The following CCDC92B variants were observed in gnomAD, a reference collection of about 807,000 sequenced individuals.
CCDC92B encodes coiled-coil domain containing 92B.
A neutral mutation model predicts 5.6 loss-of-function variants in CCDC92B; 2 were observed. The ratio of observed to expected loss-of-function variants is 0.36; its 90% CI spans 0.15 to 1.12. The LOEUF is 1.12. Ranked by LOEUF, CCDC92B falls within the 50% of genes most tolerant of loss-of-function variation. CCDC92B has a pLI of 0.40. For missense variants in CCDC92B, 271 were observed against 262.2 expected (o/e 1.03, Z -0.23); for synonymous variants, 115 against 122.3 (o/e 0.94, Z 0.39).
At chr17:2,727,083 T>C (rs960015847) in intron 3 of CCDC92B, among the ~76,000 whole-genome samples, 1 of 152,046 alleles carries the variant, frequency 6.6e-6, no homozygotes, top group Non-Finnish European at 1.5e-5. Flanking sequence ...GGTTTTGCCA[T>C]GTTGCCTGGG....
intron 1 of CCDC92B, among the ~76,000 whole-genome samples, chr17:2,736,032 G>T (rs1320717200): frequency 6.6e-6 from 1 of 152,200 alleles, no homozygotes; most frequent in Admixed American, 6.6e-5. Flanking sequence ...CTTCACCACA[G>T]TCCAGGGCTC....
chr17:2,748,324 C>G (rs1053196522), intron 1 of CCDC92B: 10 of 1,247,738 alleles, frequency 8.0e-6, no homozygotes, highest in African/African-American at 1.5e-5. Flanking sequence ...CATCCCTGAT[C>G]CCCCACCAAG....
At position 2,724,412 on chromosome 17, in the gene CCDC92B, T is replaced by C; in HGVS notation, c.767A>G (p.Ter256TrpextTer7). 1 of 984,512 alleles carries C rather than the reference T, an allele frequency of 1.0e-6. No homozygotes were observed. Among genetic ancestry groups the C allele is most frequent in the Non-Finnish European group, 1.2e-6 (1 of 829,644 alleles). The allele number at this position is 984,512 out of a possible 1,614,324, so 61.0% of individuals were successfully genotyped here. Residue 256 changes from the stop codon to tryptophan, a stop_lost, in exon 4 of 4, where the codon TAG (stop) becomes TGG (tryptophan). Transcript: ENST00000614400. This position sits in a 1 kb window ranked among gnomAD's most constrained non-coding sequence, Gnocchi z 5.0. ...SQPSAPGDPE* is the reference protein window; with the variant it reads ...SQPSAPGDPEW ...GCGTCACCCCGGCCAGCCTGGCGCC[T>C]ACTCCGGGTCCCCGGGCGCGCTGGG...
At chr17:2,733,405 A>G (rs1370544202) in intron 2 of CCDC92B, among the ~76,000 whole-genome samples, 2 of 151,628 alleles carry the variant, frequency 1.3e-5, no homozygotes, top group Non-Finnish European at 2.9e-5. Context: ...GATTACAGGC[A>G]TGTGCCACCA....
At chr17:2,727,887 C>G (rs867892092) in intron 3 of CCDC92B, among the ~76,000 whole-genome samples, 2 of 151,574 alleles carry the variant, frequency 1.3e-5, no homozygotes, top group African/African-American at 2.4e-5. Flanking sequence ...ACACACTCAT[C>G]CCAGTGACTC....
chr17:2,748,189 A>T, intron 1 of CCDC92B: 1 of 554,710 alleles, frequency 1.8e-6, no homozygotes, highest in Non-Finnish European at 3.5e-6. Context: ...TGCTCTGATG[A>T]CAAACTCTTC....
chr17:2,724,114 C>G lies in CCDC92B; in HGVS notation c.*297G>C, dbSNP rs936290735. The G allele has an allele frequency of 3.6e-5, 35 of 985,168 alleles. No individual in the cohort carries two copies. Among genetic ancestry groups the G allele is most frequent in the Middle Eastern group, 5.2e-4 (1 of 1,936 alleles). The allele number at this position is 985,168 out of a possible 1,614,324, so 61.0% of individuals were successfully genotyped here. On this transcript the variant is annotated 3_prime_UTR_variant, in exon 4 of 4. Transcript: ENST00000614400. This position sits in a 1 kb window ranked among gnomAD's most constrained non-coding sequence, Gnocchi z 5.0. ...AGGGCGTGGCCCCCGCCCCTCCTGT[C>G]TCACAGGCAGGTGGGACCAGGCCAG...
chr17:2,725,395 C>CA (rs1389384596), intron 3 of CCDC92B, among the ~76,000 whole-genome samples: 9 of 151,626 alleles, frequency 5.9e-5, no homozygotes, highest in East Asian at 3.9e-4. Context: ...AAAGCAAAAA[C>CA]AAAAAAACAA....
At chr17:2,734,224 CAT>C (rs759706364) in intron 2 of CCDC92B, among the ~76,000 whole-genome samples, 2 of 152,156 alleles carry the variant, frequency 1.3e-5, no homozygotes, top group African/African-American at 2.4e-5. Context: ...GGCATGTCCA[CAT>C]GTTACGCAGC....
intron 3 of CCDC92B, among the ~76,000 whole-genome samples, chr17:2,725,836 G>A (rs2070722169): frequency 6.6e-6 from 1 of 151,822 alleles, no homozygotes; most frequent in African/African-American, 2.4e-5. Flanking sequence ...AGGATAAACA[G>A]GAGTTAAGTA....
chr17:2,726,239 G>A (rs1328026740), intron 3 of CCDC92B, among the ~76,000 whole-genome samples: 5 of 149,916 alleles, frequency 3.3e-5, no homozygotes, highest in Admixed American at 1.3e-4. Flanking sequence ...GTGCAGTGGC[G>A]CAATCTTGGC....
At chr17:2,725,986 GTCT>G (rs752982787) in intron 3 of CCDC92B, among the ~76,000 whole-genome samples, 2 of 131,560 alleles carry the variant, frequency 1.5e-5, no homozygotes, top group Non-Finnish European at 1.6e-5. Flanking sequence ...ATTTTATCAC[GTCT>G]TTTTTTTTTT....
At chr17:2,748,629 G>C (rs1255320515) in intron 1 of CCDC92B, 2 of 981,324 alleles carry the variant, frequency 2.0e-6, no homozygotes, top group Non-Finnish European at 2.4e-6. Flanking sequence ...GCAAGGAACA[G>C]GCCCACAATG....
intron 1 of CCDC92B, among the ~76,000 whole-genome samples, chr17:2,737,282 C>G (rs1048245559): frequency 1.3e-5 from 2 of 152,050 alleles, no homozygotes; most frequent in Non-Finnish European, 2.9e-5. Context: ...ATGAGTAATT[C>G]TGTTCACCAA....
chr17:2,722,926 A>T lies in CCDC92B; in HGVS notation c.*1485T>A, dbSNP rs895181462. 1 of 152,494 alleles carries T rather than the reference A, an allele frequency of 6.6e-6. No individual in the cohort carries two copies. The highest frequency in any genetic ancestry group is 2.4e-5 in the African/African-American group (1 of 41,452). The allele number at this position is 152,494 out of a possible 1,614,324, so 9.4% of individuals were successfully genotyped here. Reference sequence around the variant, plus strand: ...GGGGGTGGGGGAATAAGCTGCGCTGAAACTGTCCTTCCTGCCTTTGGTGGT... The same window carrying T: ...GGGGGTGGGGGAATAAGCTGCGCTGTAACTGTCCTTCCTGCCTTTGGTGGT... On this transcript the variant is annotated 3_prime_UTR_variant, in exon 4 of 4. Coordinates refer to ENST00000614400, the MANE Select transcript of CCDC92B (RefSeq NM_001355573.2).
At position 2,721,586 on chromosome 17, in the gene CCDC92B, C is replaced by A. The variant is rs1393350575; in HGVS notation, c.*2825G>T. ...CGGGCCATGCACTCCAGCTCCCAGTCTCGTTCTGCTGCACAGAGGGTTCTG... is the reference window on the plus strand; with the variant it reads ...CGGGCCATGCACTCCAGCTCCCAGTATCGTTCTGCTGCACAGAGGGTTCTG... On this transcript the variant is annotated 3_prime_UTR_variant, in exon 4 of 4. Coordinates refer to ENST00000614400, the MANE Select transcript of CCDC92B (RefSeq NM_001355573.2). 1 of 152,272 alleles carries A rather than the reference C, an allele frequency of 6.6e-6. No homozygotes were observed. The highest frequency in any genetic ancestry group is 1.5e-5 in the Non-Finnish European group (1 of 68,090). 9.4% of individuals were successfully genotyped at this position (152,272 alleles called of 1,614,324 possible).
At chr17:2,725,139 G>T in intron 3 of CCDC92B, 139 bp from the exon 4 acceptor site, 1 of 981,170 alleles carries the variant, frequency 1.0e-6, no homozygotes, top group Non-Finnish European at 1.2e-6. Flanking sequence ...TTGGGAGGCC[G>T]AGATGGGCAG....
At chr17:2,748,359 C>T in intron 1 of CCDC92B, 2 of 984,756 alleles carry the variant, frequency 2.0e-6, no homozygotes, top group Non-Finnish European at 2.4e-6. Flanking sequence ...TCCCGCCTCT[C>T]TGTTCCCCAG....
intron 2 of CCDC92B, among the ~76,000 whole-genome samples, chr17:2,732,450 C>G (rs2070803993): frequency 1.3e-5 from 2 of 152,168 alleles, no homozygotes; most frequent in South Asian, 4.1e-4. Flanking sequence ...GGCGTGGTAG[C>G]TCATGCCTGT....
Sources: gnomAD v4.1 joint callset for allele counts (sites outside exome capture counted in the v4.1 genomes callset) on GRCh38, gnomAD v4.1.1 for gene constraint, Gnocchi (gnomAD v3.1) non-coding constraint, MANE v1.5 for transcripts, NCBI Gene and HGNC (gene_info 2026-07-23, HGNC 2026-07-21) for gene names.